Variants in ANK3 observed in about 807,000 individuals in gnomAD.
ANK3 encodes ankyrin-3.
In ANK3, 57 loss-of-function variants were observed where a neutral mutation model predicts 370.9. The observed-to-expected ratio is 0.15, with a 90% CI of 0.12 to 0.19. The LOEUF is 0.19. Among genes scored for constraint, ANK3 ranks in the 10% least tolerant of loss-of-function variants. The pLI, the probability that ANK3 is intolerant of heterozygous loss-of-function variation, is 1.00. For missense variants in ANK3, 4,439 were observed against 5,302.1 expected (o/e 0.84, Z 5.06); for synonymous variants, 1,929 against 1,946.3 (o/e 0.99, Z 0.23).
chr10:60,148,402 C>T (rs761621159), intron 23 of ANK3, among the ~76,000 whole-genome samples: 3 of 152,266 alleles, frequency 2.0e-5, no homozygotes, highest in African/African-American at 2.4e-5. Context: ...TGCATGCTTA[C>T]TTTAGAAACT....
chr10:60,582,575 C>T (rs2077769784), intron 2 of ANK3, among the ~76,000 whole-genome samples: 1 of 151,642 alleles, frequency 6.6e-6, no homozygotes, highest in African/African-American at 2.4e-5. Context: ...GGCAGATGTA[C>T]CACCTCAAGG....
chr10:60,511,374 A>G (rs1354470956), intron 2 of ANK3, among the ~76,000 whole-genome samples: 1 of 152,146 alleles, frequency 6.6e-6, no homozygotes, highest in Non-Finnish European at 1.5e-5. Flanking sequence ...TACAAAACTG[A>G]AAAGGCAGCT....
chr10:60,347,564 A>G (rs748612909), intron 1 of ANK3, among the ~76,000 whole-genome samples: 14 of 152,106 alleles, frequency 9.2e-5, no homozygotes, highest in Non-Finnish European at 1.2e-4. Context: ...AATATCCTAC[A>G]GGGTTGTTTT....
At chr10:60,691,434 G>T (rs955312463) in intron 1 of ANK3, among the ~76,000 whole-genome samples, 2 of 152,186 alleles carry the variant, frequency 1.3e-5, no homozygotes, top group African/African-American at 4.8e-5. Context: ...ATTCACGAGG[G>T]TTATTATGAG....
intron 23 of ANK3, among the ~76,000 whole-genome samples, chr10:60,152,483 G>A (rs2095175408): frequency 6.6e-6 from 1 of 152,096 alleles, no homozygotes; most frequent in South Asian, 2.1e-4. Context: ...GTATTAGGAT[G>A]AAATAAAAAA....
intron 2 of ANK3, among the ~76,000 whole-genome samples, chr10:60,442,467 G>T (rs989478183): frequency 6.6e-6 from 1 of 152,000 alleles, no homozygotes; most frequent in East Asian, 1.9e-4. Context: ...CTATGTAAGT[G>T]GTTGTTATAT....
intron 8 of ANK3, among the ~76,000 whole-genome samples, chr10:60,225,272 T>G (rs77808838): frequency 0.042 from 6,452 of 152,244 alleles, 460 homozygotes; most frequent in African/African-American, 0.14. Context: ...CTCATTTTTT[T>G]TGTGTTAGGC....
chr10:60,541,013 C>T (rs1208003769), intron 2 of ANK3, among the ~76,000 whole-genome samples: 1 of 151,376 alleles, frequency 6.6e-6, no homozygotes, highest in Non-Finnish European at 1.5e-5. Context: ...GTTTACTAAA[C>T]TATGATATAG....
chr10:60,600,076 G>T (rs760893028), intron 2 of ANK3, among the ~76,000 whole-genome samples: 5 of 152,088 alleles, frequency 3.3e-5, no homozygotes, highest in Non-Finnish European at 5.9e-5. Flanking sequence ...CAGAAAAATG[G>T]CTTAAATGAC....
At chr10:60,113,379 A>T (rs1036837697) in intron 26 of ANK3, among the ~76,000 whole-genome samples, 1 of 152,200 alleles carries the variant, frequency 6.6e-6, no homozygotes, top group South Asian at 2.1e-4. Flanking sequence ...TCATATGAGA[A>T]AAAAATGACA....
intron 2 of ANK3, among the ~76,000 whole-genome samples, chr10:60,435,818 G>A (rs778161698): frequency 2.0e-4 from 31 of 152,108 alleles, no homozygotes; most frequent in Non-Finnish European, 3.7e-4. Context: ...AAGTCTCATC[G>A]GCCGGGCGCG....
chr10:60,708,892 A>G (rs537669057), intron 1 of ANK3, among the ~76,000 whole-genome samples: 9 of 152,292 alleles, frequency 5.9e-5, no homozygotes, highest in African/African-American at 2.2e-4. Flanking sequence ...TCTCTAAGGA[A>G]ACCTCAAAGC....
At chr10:60,259,583 C>T (rs895857901) in intron 7 of ANK3, among the ~76,000 whole-genome samples, 1 of 152,176 alleles carries the variant, frequency 6.6e-6, no homozygotes, top group Admixed American at 6.6e-5. Context: ...TTACCACAGT[C>T]ATTGTTTTAA....
intron 1 of ANK3, among the ~76,000 whole-genome samples, chr10:60,290,004 C>A (rs1029008233): frequency 6.6e-6 from 1 of 152,046 alleles, no homozygotes; most frequent in Non-Finnish European, 1.5e-5. Flanking sequence ...GAGACTAGAG[C>A]TGAATCACTG....
intron 23 of ANK3, among the ~76,000 whole-genome samples, chr10:60,148,927 A>T (rs2094954140): frequency 6.6e-6 from 1 of 152,118 alleles, no homozygotes; most frequent in South Asian, 2.1e-4. Context: ...CCAAATCCAG[A>T]CTGCATTATT....
intron 7 of ANK3, 76 bp downstream of exon 7, chr10:60,261,783 C>A: frequency 1.5e-6 from 2 of 1,347,808 alleles, no homozygotes; most frequent in South Asian, 2.5e-5. Flanking sequence ...TTTGTCCCAA[C>A]ATCCTCATGT....
At chr10:60,518,305 C>A (rs2076269843) in intron 2 of ANK3, among the ~76,000 whole-genome samples, 1 of 152,096 alleles carries the variant, frequency 6.6e-6, no homozygotes, top group Admixed American at 6.6e-5. Flanking sequence ...TACTTCCCGG[C>A]AGATGAGATG....
In ANK3 at chr10:60,207,987, C is replaced by G. The variant is rs536445116; in HGVS notation, c.1194+49G>C. On this transcript the variant is annotated intron_variant, in intron 10 of 43. Coordinates refer to ENST00000280772, the MANE Select transcript of ANK3 (RefSeq NM_020987.5). ...ATTCCCTTCACATACAGAGGCAGCA[C>G]GTTGTGAGCAAGACAACTGAGGCTG... 10 of 1,504,850 alleles carry G rather than the reference C, an allele frequency of 6.6e-6. No individual in the cohort carries two copies. In the South Asian group the frequency reaches 1.0e-4, roughly 15 times the overall value. 93.2% of individuals were successfully genotyped at this position (1,504,850 alleles called of 1,614,324 possible).
At chr10:60,387,601 T>A (rs2062574786) in intron 1 of ANK3, among the ~76,000 whole-genome samples, 1 of 152,198 alleles carries the variant, frequency 6.6e-6, no homozygotes, top group Non-Finnish European at 1.5e-5. Context: ...ACTCTGTGAG[T>A]GTCCTGAGAA....
Sources: allele counts gnomAD v4.1 joint callset (sites outside exome capture counted in the v4.1 genomes callset), GRCh38; gene constraint gnomAD v4.1.1; transcripts MANE v1.5; gene names NCBI Gene and HGNC (gene_info 2026-07-23, HGNC 2026-07-21).